TMEM132C: variants seen among roughly 807,000 people sequenced by gnomAD.
The protein encoded by TMEM132C is transmembrane protein 132C.
In TMEM132C, 29 loss-of-function variants were observed where a neutral mutation model predicts 61.4. The ratio of observed to expected loss-of-function variants is 0.47; its 90% confidence interval spans 0.35 to 0.64. The LOEUF (loss-of-function observed/expected upper bound fraction) is 0.64, where lower values mean the gene tolerates loss of function less well. TMEM132C is among the 30% of genes least tolerant of loss of function. The pLI is 0.00. For synonymous variants in TMEM132C, 656 were observed against 633.1 expected (o/e 1.04, Z -0.54); for missense variants, 1,408 against 1,476.9 (o/e 0.95, Z 0.76).
At chr12:128,429,024 C>T (rs1261992548) in intron 2 of TMEM132C, among the ~76,000 whole-genome samples, 1 of 152,196 alleles carries the variant, frequency 6.6e-6, no homozygotes, top group Non-Finnish European at 1.5e-5. Flanking sequence ...CTGTGGATTG[C>T]AGCTGAAAGC....
intron 4 of TMEM132C, among the ~76,000 whole-genome samples, chr12:128,617,930 A>G (rs899614661): frequency 3.3e-5 from 5 of 152,216 alleles, no homozygotes; most frequent in African/African-American, 9.6e-5. Flanking sequence ...ACAACAAGCC[A>G]TGGGCCACAT....
chr12:128,402,982 C>G (rs1431092041), intron 1 of TMEM132C, among the ~76,000 whole-genome samples: 2 of 152,136 alleles, frequency 1.3e-5, no homozygotes, highest in Non-Finnish European at 2.9e-5. Context: ...GGAACTATCC[C>G]CCCAGGGGCT....
intron 5 of TMEM132C, among the ~76,000 whole-genome samples, chr12:128,691,342 G>A (rs753574884): frequency 2.2e-4 from 34 of 152,178 alleles, no homozygotes; most frequent in Non-Finnish European, 4.3e-4. Context: ...TCACTGCATC[G>A]TCCATCAACC....
At chr12:128,281,729 C>G (rs1189850291) in intron 1 of TMEM132C, among the ~76,000 whole-genome samples, 1 of 152,130 alleles carries the variant, frequency 6.6e-6, no homozygotes, top group Non-Finnish European at 1.5e-5. Context: ...TTGTTCCCCA[C>G]TCGCTCCTTG....
At chr12:128,590,047 A>G (rs1875698373) in intron 3 of TMEM132C, among the ~76,000 whole-genome samples, 1 of 152,240 alleles carries the variant, frequency 6.6e-6, no homozygotes, top group African/African-American at 2.4e-5. Context: ...TTATAACCCA[A>G]AAAGAAATTA....
intron 2 of TMEM132C, among the ~76,000 whole-genome samples, chr12:128,418,153 G>A (rs4882695): frequency 0.35 from 53,701 of 151,980 alleles, 10,768 homozygotes; most frequent in Non-Finnish European, 0.46. Context: ...ATTTCCTAAG[G>A]GCTAAAAGCA....
At chr12:128,318,870 A>G (rs1872234622) in intron 1 of TMEM132C, among the ~76,000 whole-genome samples, 1 of 152,212 alleles carries the variant, frequency 6.6e-6, no homozygotes, top group African/African-American at 2.4e-5. Flanking sequence ...TTGCTCCAAG[A>G]AAAGAGTACT....
At chr12:128,621,899 A>G (rs776813556) in intron 4 of TMEM132C, among the ~76,000 whole-genome samples, 20 of 152,060 alleles carry the variant, frequency 1.3e-4, no homozygotes, top group East Asian at 1.9e-4. Context: ...CCACAGCTCT[A>G]TGGCTCAGCC....
chr12:128,274,214 T>C (rs1407852925), intron 1 of TMEM132C, among the ~76,000 whole-genome samples: 4 of 152,232 alleles, frequency 2.6e-5, no homozygotes, highest in Non-Finnish European at 5.9e-5. Flanking sequence ...TCTTCCTGAT[T>C]AAGGATGTTC....
chr12:128,474,087 A>G (rs552610050), intron 2 of TMEM132C, among the ~76,000 whole-genome samples: 1 of 152,324 alleles, frequency 6.6e-6, no homozygotes, highest in East Asian at 1.9e-4. Context: ...TTTTAGAACC[A>G]TGGTTCTTAA....
At chr12:128,675,733 G>C (rs1162308495) in intron 5 of TMEM132C, among the ~76,000 whole-genome samples, 1 of 152,064 alleles carries the variant, frequency 6.6e-6, no homozygotes, top group Non-Finnish European at 1.5e-5. Flanking sequence ...GACAGATGGA[G>C]GAAGGGAGAT....
chr12:128,438,952 CT>C (rs1387207685), intron 2 of TMEM132C: 2 of 152,210 alleles, frequency 1.3e-5, no homozygotes, highest in Admixed American at 6.5e-5. Flanking sequence ...CCTGGGTCTG[CT>C]GTAATAGGAG....
chr12:128,282,578 C>T (rs879372708), intron 1 of TMEM132C, among the ~76,000 whole-genome samples: 1 of 152,220 alleles, frequency 6.6e-6, no homozygotes, highest in Non-Finnish European at 1.5e-5. Flanking sequence ...CACTAGGTCC[C>T]TCCCTGGACG....
intron 1 of TMEM132C, among the ~76,000 whole-genome samples, chr12:128,393,812 G>A (rs1157774776): frequency 2.0e-5 from 3 of 152,186 alleles, no homozygotes; most frequent in South Asian, 2.1e-4. Flanking sequence ...AAGAAAGGGC[G>A]AATGGGCAAA....
intron 1 of TMEM132C, among the ~76,000 whole-genome samples, chr12:128,392,979 G>A (rs746913336): frequency 6.6e-6 from 1 of 152,182 alleles, no homozygotes; most frequent in African/African-American, 2.4e-5. Context: ...GATGTATCAA[G>A]GTGCACAAAC....
chr12:128,611,889 G>C (rs1014863259), intron 3 of TMEM132C, among the ~76,000 whole-genome samples: 1 of 152,160 alleles, frequency 6.6e-6, no homozygotes, highest in African/African-American at 2.4e-5. Flanking sequence ...TGAACAGAGC[G>C]GAACCAGCGA....
intron 3 of TMEM132C, among the ~76,000 whole-genome samples, chr12:128,558,989 T>A (rs777351065): frequency 2.6e-5 from 4 of 152,216 alleles, no homozygotes; most frequent in Non-Finnish European, 5.9e-5. Flanking sequence ...TACAGACTTA[T>A]ATACAAATAT....
intron 3 of TMEM132C, among the ~76,000 whole-genome samples, chr12:128,576,333 T>C (rs1002197404): frequency 6.6e-6 from 1 of 152,074 alleles, no homozygotes; most frequent in African/African-American, 2.4e-5. Flanking sequence ...AAGCCTTCTC[T>C]CCCGAAGCCC....
intron 1 of TMEM132C, among the ~76,000 whole-genome samples, chr12:128,397,201 T>A (rs1483447641): frequency 6.6e-6 from 1 of 152,098 alleles, no homozygotes; most frequent in African/African-American, 2.4e-5. Context: ...AGGTGGTTTC[T>A]CCCCCTTCCT....
Sources: allele counts gnomAD v4.1 joint callset (sites outside exome capture counted in the v4.1 genomes callset), GRCh38; gene constraint gnomAD v4.1.1; transcripts MANE v1.5; gene names NCBI Gene and HGNC (gene_info 2026-07-23, HGNC 2026-07-21).